SLC48A1: variants seen among roughly 807,000 people sequenced by gnomAD.
SLC48A1 encodes solute carrier family 48 member 1, also known as heme transporter HRG1.
Under a neutral mutation model 14.8 loss-of-function variants are expected in SLC48A1, and 6 were observed. The ratio of observed to expected loss-of-function variants is 0.41; its 90% CI spans 0.22 to 0.80. The LOEUF is 0.80. Ranked by LOEUF, SLC48A1 falls within the 30% of genes least tolerant of loss-of-function variation. SLC48A1 has a pLI of 0.34. For missense variants in SLC48A1, 165 were observed against 204.8 expected (o/e 0.81, Z 1.19); for synonymous variants, 89 against 90.0 (o/e 0.99, Z 0.06).
chr12:47,776,188 C>T (rs1360071213), intron 1 of SLC48A1, among the ~76,000 whole-genome samples: 1 of 152,174 alleles, frequency 6.6e-6, no homozygotes, highest in Non-Finnish European at 1.5e-5. Flanking sequence ...CTCCTCACCT[C>T]CAGCCCAGCC....
At chr12:47,754,917 C>T (rs73105873), upstream of SLC48A1, among the ~76,000 whole-genome samples, 1,977 of 152,280 alleles carry the variant, frequency 0.013, 21 homozygotes, top group East Asian at 0.044. Context: ...GTGGCCTGCC[C>T]CACCCTCACT....
chr12:47,775,580 G>C (rs1159990801), intron 1 of SLC48A1, among the ~76,000 whole-genome samples: 5 of 152,266 alleles, frequency 3.3e-5, no homozygotes, highest in Non-Finnish European at 7.3e-5. Context: ...TCTGTGGCCA[G>C]TCAACCTTCT....
upstream of SLC48A1, chr12:47,757,968 T>C (rs748412101): frequency 3.2e-6 from 5 of 1,563,548 alleles, no homozygotes; most frequent in Admixed American, 5.7e-5. Flanking sequence ...TGTTGAGTAG[T>C]GTCCCCTCCG....
At chr12:47,757,990 G>T (rs1254611836), upstream of SLC48A1, 1 of 1,572,108 alleles carries the variant, frequency 6.4e-7, no homozygotes. Context: ...CACCACGTCA[G>T]GGAGGGCTCC....
chr12:47,773,830 G>A (rs1474855915), intron 1 of SLC48A1, among the ~76,000 whole-genome samples: 7 of 137,530 alleles, frequency 5.1e-5, no homozygotes, highest in South Asian at 2.3e-4. Context: ...ACACACACAC[G>A]CACACACACA....
At chr12:47,755,303 T>G (rs1302245624), upstream of SLC48A1, among the ~76,000 whole-genome samples, 3 of 152,226 alleles carry the variant, frequency 2.0e-5, no homozygotes, top group Non-Finnish European at 2.9e-5. Context: ...CTCACAGGGC[T>G]GTTGTGAGAA....
At chr12:47,764,569 A>G (rs1417361536) in intron 2 of SLC48A1, among the ~76,000 whole-genome samples, 1 of 152,184 alleles carries the variant, frequency 6.6e-6, no homozygotes, top group Non-Finnish European at 1.5e-5. Flanking sequence ...AGACCTGGTC[A>G]GTCAGGCTGG....
At chr12:47,756,786 T>A (rs1942084613), upstream of SLC48A1, among the ~76,000 whole-genome samples, 4 of 151,988 alleles carry the variant, frequency 2.6e-5, no homozygotes, top group Admixed American at 2.6e-4. Context: ...CTGGCCAATA[T>A]GGTGAAACCC....
At chr12:47,763,657 G>A (rs1942441939) in intron 2 of SLC48A1, among the ~76,000 whole-genome samples, 1 of 152,212 alleles carries the variant, frequency 6.6e-6, no homozygotes. Context: ...GGGGGCAGCG[G>A]CAGGGAGCTG....
chr12:47,773,446 C>A lies in SLC48A1; in HGVS notation c.136+6C>A, dbSNP rs1942671581. ...GGCCATGGGAGGGCTCGCAGGTACC[C>A]CGGGACGCTGGGCGGCGCGGGGCGG... On this transcript the variant is annotated splice_donor_region_variant and intron_variant, in intron 1 of 2. Transcript: ENST00000442218. 2.9e-6 allele frequency: 4 copies of A among 1,373,452 alleles called. No homozygotes were observed. The highest frequency in any genetic ancestry group is 3.8e-6 in the Non-Finnish European group (4 of 1,056,160). 85.1% of individuals were successfully genotyped at this position (1,373,452 alleles called of 1,614,324 possible).
At chr12:47,775,769 T>C (rs768267827) in intron 1 of SLC48A1, among the ~76,000 whole-genome samples, 13 of 152,140 alleles carry the variant, frequency 8.5e-5, no homozygotes, top group Non-Finnish European at 1.9e-4. Context: ...AGCAGAGTCA[T>C]GGAGCCCCTG....
upstream of SLC48A1, among the ~76,000 whole-genome samples, chr12:47,769,966 C>T (rs536620395): frequency 6.6e-6 from 1 of 152,302 alleles, no homozygotes; most frequent in South Asian, 2.1e-4. Flanking sequence ...TATTCAATAG[C>T]CACCTGTGAT....
At chr12:47,757,138 T>C (rs1285694118), upstream of SLC48A1, among the ~76,000 whole-genome samples, 1 of 152,110 alleles carries the variant, frequency 6.6e-6, no homozygotes, top group African/African-American at 2.4e-5. Context: ...ACACACGCAG[T>C]GGAGACATAA....
upstream of SLC48A1, chr12:47,756,597 C>T (rs376317613): frequency 2.0e-5 from 3 of 152,122 alleles, no homozygotes; most frequent in East Asian, 5.8e-4. Flanking sequence ...CTCAGCCTCA[C>T]TGTAAATGGC....
chr12:47,759,044 G>A, intron 1 of SLC48A1: 1 of 987,674 alleles, frequency 1.0e-6, no homozygotes, highest in Non-Finnish European at 1.2e-6. Context: ...GCACCCGGGG[G>A]TACCAGAGTG....
upstream of SLC48A1, chr12:47,758,187 C>T: frequency 6.9e-7 from 1 of 1,454,052 alleles, no homozygotes; most frequent in Non-Finnish European, 9.1e-7. Context: ...CTGGACTGGT[C>T]AGGCGGAGGT....
At chr12:47,773,137 C>T, upstream of SLC48A1, 1 of 952,672 alleles carries the variant, frequency 1.0e-6, no homozygotes, top group Non-Finnish European at 1.2e-6. Flanking sequence ...GCGCGGGCGG[C>T]CTCCGGCCGG....
At position 47,780,171 on chromosome 12, in the gene SLC48A1, C is replaced by T. The variant is rs987543675; in HGVS notation, c.331C>T (p.Leu111Phe). The T allele has an allele frequency of 6.2e-7, 1 of 1,610,860 alleles. No homozygotes were observed. The part of the protein sequence containing the change: ...QSLTDPTSYY[L>F]SSVWSFISFK... ...CCTCACAGACCCCACCAGCTACTAC[C>T]TCTCCAGCGTCTGGAGCTTCATTTC... The change falls in exon 3 of 3, where the codon CTC becomes TTC. Residue 111 changes from leucine to phenylalanine, a missense_variant. Coordinates refer to ENST00000442218, the MANE Select transcript of SLC48A1 (RefSeq NM_017842.3).
At chr12:47,773,661 G>GTGCC (rs963296878) in intron 1 of SLC48A1, among the ~76,000 whole-genome samples, 8 of 151,638 alleles carry the variant, frequency 5.3e-5, no homozygotes, top group Non-Finnish European at 1.2e-4. Context: ...CCACCTGGGG[G>GTGCC]TGCCGACGGC....
Sources: allele counts gnomAD v4.1 joint callset (sites outside exome capture counted in the v4.1 genomes callset), GRCh38; gene constraint gnomAD v4.1.1; transcripts MANE v1.5; gene names NCBI Gene and HGNC (gene_info 2026-07-23, HGNC 2026-07-21).